ATP8A2: variants seen among roughly 807,000 people sequenced by gnomAD.
The protein encoded by ATP8A2 is phospholipid-transporting ATPase IB.
In ATP8A2, 100 loss-of-function variants were observed where a neutral mutation model predicts 165.6. The observed-to-expected ratio is 0.60, with a 90% CI of 0.51 to 0.71. The LOEUF is 0.71. Ranked by LOEUF, ATP8A2 falls within the 30% of genes least tolerant of loss-of-function variation. The pLI is 0.00. For synonymous variants in ATP8A2, 543 were observed against 548.8 expected, an observed-to-expected ratio of 0.99 and a Z score of 0.15; for missense variants, 1,227 against 1,479.5, an observed-to-expected ratio of 0.83 and a Z score of 2.80.
At position 25,750,775 on chromosome 13, in the gene ATP8A2, C is replaced by G. The variant is rs2044137780; in HGVS notation, c.2385-18271C>G. ...CCTCTTCTGCTCGATGTATACAAAA[C>G]TTCTGTTTTGAAAGAGTTGCTTGGG... On this transcript the variant is annotated intron_variant, in intron 25 of 36. Coordinates refer to ENST00000381655, the MANE Select transcript of ATP8A2 (RefSeq NM_016529.6). The surrounding 1 kb of genome is among the most constrained non-coding windows in gnomAD (Gnocchi z 4.3). Among the ~76,000 whole-genome samples the G allele has an allele frequency of 6.6e-6, 1 of 151,948 alleles. No homozygotes were observed. Among genetic ancestry groups the G allele is most frequent in the African/African-American group, 2.4e-5 (1 of 41,380 alleles).
intron 33 of ATP8A2, among the ~76,000 whole-genome samples, chr13:25,879,773 C>T (rs762375682): frequency 6.6e-6 from 1 of 152,206 alleles, no homozygotes; most frequent in African/African-American, 2.4e-5. Context: ...CCCACATTCT[C>T]CTGCAAATAA....
At position 25,869,048 on chromosome 13, in the gene ATP8A2, G is replaced by A. The variant is rs928835079; in HGVS notation, c.3183+6640G>A. On this transcript the variant is annotated intron_variant, in intron 33 of 36. Coordinates refer to ENST00000381655, the MANE Select transcript of ATP8A2 (RefSeq NM_016529.6). ...CGCGCCACTGCACTCCAGCCTGGGC[G>A]ACACAGCGAGACTCCGTCTCAAAAA... Among the ~76,000 whole-genome samples, 10 of 129,070 alleles carry A rather than the reference G, an allele frequency of 7.7e-5. 1 individual carries two copies. The South Asian group carries it at 1.3e-3, about 17-fold the overall frequency. The allele number at this position is 129,070 out of a possible 152,430, so 84.7% of individuals were successfully genotyped here.
At chr13:25,678,091 G>A (rs779646112) in intron 24 of ATP8A2, among the ~76,000 whole-genome samples, 1 of 151,906 alleles carries the variant, frequency 6.6e-6, no homozygotes, top group Non-Finnish European at 1.5e-5. Context: ...AGATAGAGTG[G>A]ATAAGTAATA....
chr13:25,486,948 G>A (rs1298325129), intron 2 of ATP8A2, among the ~76,000 whole-genome samples: 5 of 152,086 alleles, frequency 3.3e-5, no homozygotes, highest in South Asian at 2.1e-4. Flanking sequence ...CCTGGGTGAC[G>A]GAGGAAAACC....
At chr13:25,738,137 A>G (rs1298348256) in intron 25 of ATP8A2, among the ~76,000 whole-genome samples, 2 of 152,154 alleles carry the variant, frequency 1.3e-5, no homozygotes, top group African/African-American at 4.8e-5. Flanking sequence ...TCATCTTACC[A>G]GTGAGAAACT....
In ATP8A2 at chr13:25,579,875, C is replaced by CT; in HGVS notation, c.1936dup (p.Tyr646LeufsTer23). 2.5e-6 allele frequency: 4 copies of CT among 1,614,028 alleles called. No homozygotes were observed. Among genetic ancestry groups the CT allele is most frequent in the East Asian group, 2.2e-5 (1 of 44,854 alleles). Reference sequence around the variant, plus strand: ...ATGAGTATGAGGAGTGGCTGAAAGTCTATCAGGAAGCCAGCACCATATTGA... The same window carrying CT: ...ATGAGTATGAGGAGTGGCTGAAAGTCTTATCAGGAAGCCAGCACCATATTGA... On this transcript the variant is annotated frameshift_variant, in exon 22 of 37. Coordinates refer to ENST00000381655, the MANE Select transcript of ATP8A2 (RefSeq NM_016529.6). LOFTEE classifies it high-confidence loss of function.
At chr13:25,436,728 T>A (rs796405016) in intron 1 of ATP8A2, among the ~76,000 whole-genome samples, 6 of 152,256 alleles carry the variant, frequency 3.9e-5, no homozygotes, top group African/African-American at 1.4e-4. Flanking sequence ...CCACCAGCAG[T>A]GTGTAAGCAC....
At chr13:25,629,744 A>C (rs1324881136) in intron 24 of ATP8A2, among the ~76,000 whole-genome samples, 1 of 152,160 alleles carries the variant, frequency 6.6e-6, no homozygotes, top group Admixed American at 6.6e-5. Context: ...TTACTGTGTT[A>C]GATCAGCGTC....
chr13:25,757,524 T>TGTGC (rs1282028012), intron 25 of ATP8A2, among the ~76,000 whole-genome samples: 1 of 151,284 alleles, frequency 6.6e-6, no homozygotes, highest in Non-Finnish European at 1.5e-5. Context: ...TGTGTGTGTG[T>TGTGC]GCACACGCAC....
At chr13:25,852,504 T>C (rs975434450) in intron 30 of ATP8A2, among the ~76,000 whole-genome samples, 1 of 152,220 alleles carries the variant, frequency 6.6e-6, no homozygotes, top group Non-Finnish European at 1.5e-5. Flanking sequence ...TTCTGTCATA[T>C]GAGTCTAATT....
chr13:25,781,156 G>C (rs967518847), intron 27 of ATP8A2, among the ~76,000 whole-genome samples: 3 of 152,014 alleles, frequency 2.0e-5, no homozygotes, highest in African/African-American at 7.2e-5. Context: ...CCAGCTACTC[G>C]GGAGGCTGAG....
chr13:25,737,838 C>T (rs180895766), intron 25 of ATP8A2, among the ~76,000 whole-genome samples: 1 of 152,276 alleles, frequency 6.6e-6, no homozygotes, highest in East Asian at 1.9e-4. Flanking sequence ...GCCTGGCCAC[C>T]ATGCCTGACT....
At chr13:25,983,455 A>T (rs1182418034) in intron 35 of ATP8A2, among the ~76,000 whole-genome samples, 2 of 152,214 alleles carry the variant, frequency 1.3e-5, no homozygotes, top group Non-Finnish European at 2.9e-5. Flanking sequence ...CCTTAAAAAA[A>T]AATTGCACAT....
chr13:25,626,691 C>G (rs977488443), intron 24 of ATP8A2, among the ~76,000 whole-genome samples: 2 of 151,990 alleles, frequency 1.3e-5, no homozygotes, highest in African/African-American at 4.8e-5. Flanking sequence ...AGAAGTCACC[C>G]TTAGTGTATT....
At chr13:25,416,983 T>C (rs7991212) in intron 1 of ATP8A2, among the ~76,000 whole-genome samples, 42,476 of 151,614 alleles carry the variant, frequency 0.28, 6,229 homozygotes, top group East Asian at 0.45. Context: ...TCTTGAGCAC[T>C]TTTGCTGCTT....
intron 1 of ATP8A2, among the ~76,000 whole-genome samples, chr13:25,394,245 T>G (rs964203161): frequency 6.6e-6 from 1 of 152,184 alleles, no homozygotes; most frequent in Non-Finnish European, 1.5e-5. Flanking sequence ...TTCTGGCCAT[T>G]GGTAGGCTGA....
chr13:25,567,945 G>A (rs1008941170), intron 16 of ATP8A2, among the ~76,000 whole-genome samples: 1 of 152,202 alleles, frequency 6.6e-6, no homozygotes, highest in Non-Finnish European at 1.5e-5. Context: ...GAGGGAAGAA[G>A]TATTTGAGGA....
intron 30 of ATP8A2, among the ~76,000 whole-genome samples, chr13:25,856,788 T>C (rs1031920645): frequency 1.3e-5 from 2 of 152,200 alleles, no homozygotes; most frequent in Non-Finnish European, 1.5e-5. Flanking sequence ...GAATGAAGTT[T>C]GTATTGTATT....
At chr13:25,472,313 G>C (rs1203750648) in intron 2 of ATP8A2, among the ~76,000 whole-genome samples, 1 of 149,994 alleles carries the variant, frequency 6.7e-6, no homozygotes, top group East Asian at 2.0e-4. Flanking sequence ...AGAATCGCTT[G>C]AATCCAGGAG....
Sources: allele counts gnomAD v4.1 joint callset (sites outside exome capture counted in the v4.1 genomes callset), GRCh38; gene constraint gnomAD v4.1.1; non-coding constraint Gnocchi (gnomAD v3.1); transcripts MANE v1.5; gene names NCBI Gene and HGNC (gene_info 2026-07-23, HGNC 2026-07-21).